FHIT: variants seen among roughly 807,000 people sequenced by gnomAD.
FHIT encodes the protein bis(5'-adenosyl)-triphosphatase.
In FHIT, 19 loss-of-function variants were observed where a neutral mutation model predicts 17.9. The ratio of observed to expected loss-of-function variants is 1.06; its 90% CI spans 0.74 to 1.56. The LOEUF (loss-of-function observed/expected upper bound fraction) is 1.56, where lower values mean the gene tolerates loss of function less well. Among genes scored for constraint, FHIT ranks in the 40% most tolerant of loss-of-function variants. The pLI is 0.00. For missense variants in FHIT, 248 were observed against 189.2 expected (o/e 1.31, Z -1.82); for synonymous variants, 81 against 69.7 (o/e 1.16, Z -0.81).
chr3:61,050,008 A>T (rs548072242), intron 2 of FHIT, among the ~76,000 whole-genome samples: 10 of 152,280 alleles, frequency 6.6e-5, no homozygotes, highest in African/African-American at 2.4e-4. Context: ...ACTCCCAATC[A>T]TATGTCCAAT....
intron 8 of FHIT, among the ~76,000 whole-genome samples, chr3:59,895,974 C>T (rs535336289): frequency 6.6e-6 from 1 of 152,318 alleles, no homozygotes; most frequent in African/African-American, 2.4e-5. Flanking sequence ...TAGATCCTTA[C>T]ATGGCTGGCA....
At position 60,591,567 on chromosome 3, in the gene FHIT, C is replaced by T. The variant is rs528157631; in HGVS notation, c.-17-54588G>A. Among the ~76,000 whole-genome samples, 92 of 152,122 alleles carry T rather than the reference C, an allele frequency of 6.0e-4. 1 individual carries two copies. Among genetic ancestry groups the T allele is most frequent in the African/African-American group, 2.1e-3 (89 of 41,522 alleles). On this transcript the variant is annotated intron_variant, in intron 4 of 9. Transcript: ENST00000492590. ...CACACATAATAACCAGCATATGAAG[C>T]TGAATCCTTATAGGAAAACAATTCA...
chr3:60,769,891 T>C (rs1439462520), intron 4 of FHIT, among the ~76,000 whole-genome samples: 1 of 152,248 alleles, frequency 6.6e-6, no homozygotes, highest in Non-Finnish European at 1.5e-5. Context: ...TAGTTTGCTT[T>C]AGCAGATGCA....
intron 2 of FHIT, among the ~76,000 whole-genome samples, chr3:61,057,240 G>T (rs1416941377): frequency 2.0e-5 from 3 of 152,122 alleles, no homozygotes; most frequent in African/African-American, 7.2e-5. Flanking sequence ...ACGTGTTATG[G>T]TTTCATATTT....
chr3:60,203,814 G>T (rs960282721), intron 5 of FHIT, among the ~76,000 whole-genome samples: 2 of 151,914 alleles, frequency 1.3e-5, no homozygotes, highest in African/African-American at 4.8e-5. Flanking sequence ...AAAACTAAAA[G>T]AAAAAAATGG....
At chr3:60,965,180 T>C (rs1709661105) in intron 3 of FHIT, among the ~76,000 whole-genome samples, 1 of 151,936 alleles carries the variant, frequency 6.6e-6, no homozygotes, top group Admixed American at 6.5e-5. Context: ...TTTCATTCAT[T>C]TGTTCTTCAA....
At chr3:61,082,790 G>T (rs1318795521) in intron 2 of FHIT, among the ~76,000 whole-genome samples, 1 of 152,112 alleles carries the variant, frequency 6.6e-6, no homozygotes, top group Non-Finnish European at 1.5e-5. Flanking sequence ...TAAGAGCTTT[G>T]TAATATGCTG....
intron 8 of FHIT, among the ~76,000 whole-genome samples, chr3:59,754,041 G>T (rs546772087): frequency 2.1e-4 from 32 of 151,892 alleles, no homozygotes; most frequent in African/African-American, 7.0e-4. Context: ...AATGACTTTT[G>T]CTATCTCAGG....
intron 4 of FHIT, among the ~76,000 whole-genome samples, chr3:60,747,181 C>A (rs1211999189): frequency 2.6e-5 from 4 of 151,902 alleles, no homozygotes; most frequent in African/African-American, 9.7e-5. Context: ...ATTCTCTCTG[C>A]ACTGAATGCC....
At chr3:61,081,374 T>C (rs1303290423) in intron 2 of FHIT, among the ~76,000 whole-genome samples, 6 of 152,152 alleles carry the variant, frequency 3.9e-5, no homozygotes, top group South Asian at 2.1e-4. Context: ...GAAGCTATAT[T>C]CCTAACTGGT....
intron 4 of FHIT, among the ~76,000 whole-genome samples, chr3:60,660,503 G>T (rs1031809911): frequency 6.6e-6 from 1 of 152,022 alleles, no homozygotes; most frequent in African/African-American, 2.4e-5. Context: ...GCCTTCAATA[G>T]ACTCTAGAGT....
chr3:60,748,809 T>A (rs2042409770), intron 4 of FHIT, among the ~76,000 whole-genome samples: 1 of 151,980 alleles, frequency 6.6e-6, no homozygotes, highest in African/African-American at 2.4e-5. Context: ...GAACTCCATC[T>A]CAAAACAACA....
intron 5 of FHIT, among the ~76,000 whole-genome samples, chr3:60,307,830 T>C (rs1441527549): frequency 7.0e-6 from 1 of 143,564 alleles, no homozygotes; most frequent in Non-Finnish European, 1.5e-5. Context: ...AAGGCAACCA[T>C]GGCCAAGGTA....
At chr3:60,530,673 G>A (rs1242195258) in intron 5 of FHIT, among the ~76,000 whole-genome samples, 1 of 152,186 alleles carries the variant, frequency 6.6e-6, no homozygotes, top group Non-Finnish European at 1.5e-5. Context: ...GCTGGTATGT[G>A]AGATAAAATG....
chr3:60,313,215 G>C (rs1709023802), intron 5 of FHIT, among the ~76,000 whole-genome samples: 1 of 152,182 alleles, frequency 6.6e-6, no homozygotes, highest in South Asian at 2.1e-4. Flanking sequence ...TACATATTTA[G>C]ATACGTGCAT....
At chr3:60,430,668 T>A (rs1315481349) in intron 5 of FHIT, among the ~76,000 whole-genome samples, 1 of 152,144 alleles carries the variant, frequency 6.6e-6, no homozygotes, top group Admixed American at 6.5e-5. Flanking sequence ...TTTTTTTATG[T>A]CTGTTTTCTG....
intron 2 of FHIT, among the ~76,000 whole-genome samples, chr3:61,066,581 C>A (rs942260231): frequency 6.6e-6 from 1 of 152,180 alleles, no homozygotes; most frequent in Non-Finnish European, 1.5e-5. Flanking sequence ...TGCCATTTGA[C>A]TCCAGCCTGG....
intron 5 of FHIT, among the ~76,000 whole-genome samples, chr3:60,092,592 G>T (rs1222812911): frequency 1.3e-5 from 2 of 152,120 alleles, no homozygotes; most frequent in Non-Finnish European, 2.9e-5. Context: ...CTCAGACCAA[G>T]GGTAAGTATG....
chr3:60,033,852 C>T (rs1319274587), intron 5 of FHIT, among the ~76,000 whole-genome samples: 1 of 152,150 alleles, frequency 6.6e-6, no homozygotes, highest in Non-Finnish European at 1.5e-5. Context: ...TGTTAATTAG[C>T]AAGTATTAGC....
Sources: gnomAD v4.1 joint callset for allele counts (sites outside exome capture counted in the v4.1 genomes callset) on GRCh38, gnomAD v4.1.1 for gene constraint, MANE v1.5 for transcripts, NCBI Gene and HGNC (gene_info 2026-07-23, HGNC 2026-07-21) for gene names.